The following ATAD2 variants were observed in gnomAD, a reference collection of about 807,000 sequenced individuals.
ATAD2 encodes ATPase family AAA domain-containing protein 2.
Under a neutral mutation model 168.9 loss-of-function variants are expected in ATAD2, and 62 were observed. The ratio of observed to expected loss-of-function variants is 0.37; its 90% CI spans 0.30 to 0.45. The LOEUF is 0.45. Ranked by LOEUF, ATAD2 falls within the 20% of genes least tolerant of loss-of-function variation. The pLI, the probability that ATAD2 is intolerant of heterozygous loss-of-function variation, is 1.00. For synonymous variants in ATAD2, 613 were observed against 571.6 expected, an observed-to-expected ratio of 1.07 and a Z score of -1.03; for missense variants, 1,419 against 1,667.8, an observed-to-expected ratio of 0.85 and a Z score of 2.60.
chr8:123,389,439 A>G (rs534786085), intron 1 of ATAD2, among the ~76,000 whole-genome samples: 31 of 150,204 alleles, frequency 2.1e-4, no homozygotes, highest in African/African-American at 7.3e-4. Context: ...GGAGATTGAG[A>G]CCATCCTGGC....
chr8:123,356,484 A>T lies in ATAD2; in HGVS notation c.1558-7T>A. ...ATGGGCGCATCTGATAGGCCTAGAA[A>T]GTAGGTGGAGTGGTCATTTGTTAGC... is the stretch of plus-strand genomic sequence containing the variant. On this transcript the variant is annotated splice_region_variant and splice_polypyrimidine_tract_variant and intron_variant, in intron 12 of 27. Coordinates refer to ENST00000287394, the MANE Select transcript of ATAD2 (RefSeq NM_014109.4). The T allele has an allele frequency of 6.2e-7, 1 of 1,604,778 alleles. No homozygotes were observed. The highest frequency in any genetic ancestry group is 2.2e-5 in the East Asian group (1 of 44,628).
At chr8:123,329,245 G>A (rs1252635512) in intron 24 of ATAD2, among the ~76,000 whole-genome samples, 1 of 152,068 alleles carries the variant, frequency 6.6e-6, no homozygotes, top group Non-Finnish European at 1.5e-5. Context: ...TACACTTATT[G>A]AGCATTTATC....
intron 1 of ATAD2, among the ~76,000 whole-genome samples, chr8:123,391,360 T>C (rs1465634619): frequency 1.9e-4 from 29 of 151,670 alleles, no homozygotes; most frequent in Admixed American, 1.9e-3. Context: ...CACAAATCTA[T>C]AAGCCCAGCT....
chr8:123,399,800 G>C (rs1009417853), upstream of ATAD2, among the ~76,000 whole-genome samples: 6 of 151,974 alleles, frequency 3.9e-5, no homozygotes, highest in Non-Finnish European at 8.8e-5. Flanking sequence ...GTTGCGGTGA[G>C]CCGAGATTAC....
At chr8:123,387,596 T>C (rs777958775) in intron 1 of ATAD2, among the ~76,000 whole-genome samples, 2 of 152,214 alleles carry the variant, frequency 1.3e-5, no homozygotes, top group Non-Finnish European at 2.9e-5. Context: ...AATATTCTCA[T>C]TTATTCTTTG....
chr8:123,357,006 T>C (rs1828670298), intron 12 of ATAD2, among the ~76,000 whole-genome samples: 1 of 152,176 alleles, frequency 6.6e-6, no homozygotes, highest in South Asian at 2.1e-4. Context: ...AGACAAAGAA[T>C]AGAAGACAGT....
At chr8:123,369,794 C>T (rs753380415) in intron 7 of ATAD2, 27 bp downstream of exon 7, 1 of 1,530,700 alleles carries the variant, frequency 6.5e-7, no homozygotes, top group South Asian at 1.1e-5. Context: ...AATTACATCT[C>T]CTGGAAAGAG....
intron 1 of ATAD2, among the ~76,000 whole-genome samples, chr8:123,411,178 T>C (rs1813150286): frequency 6.6e-6 from 1 of 152,160 alleles, no homozygotes; most frequent in Admixed American, 6.6e-5. Context: ...TCCAAAGCGT[T>C]TGTCTCTTCC....
At chr8:123,376,683 T>C (rs114852708) in intron 2 of ATAD2, among the ~76,000 whole-genome samples, 8,144 of 151,968 alleles carry the variant, frequency 0.054, 711 homozygotes, top group African/African-American at 0.19. Flanking sequence ...GGCCAGGCAC[T>C]GTGGCTAGCA....
At chr8:123,394,339 T>C (rs1812727694) in intron 1 of ATAD2, among the ~76,000 whole-genome samples, 1 of 152,154 alleles carries the variant, frequency 6.6e-6, no homozygotes. Context: ...CTTAAGAGTC[T>C]ATGTATTTGG....
chr8:123,359,752 T>C (rs1338991393), intron 9 of ATAD2, 67 bp from the exon 10 acceptor site: 2 of 1,075,664 alleles, frequency 1.9e-6, no homozygotes, highest in East Asian at 2.5e-5. Context: ...AATTCCATGT[T>C]TGAATATAAA....
At chr8:123,384,724 T>A (rs1262164564) in intron 1 of ATAD2, among the ~76,000 whole-genome samples, 1 of 152,256 alleles carries the variant, frequency 6.6e-6, no homozygotes, top group East Asian at 1.9e-4. Flanking sequence ...TTCAACCATG[T>A]GAGATCTCCT....
intron 20 of ATAD2, among the ~76,000 whole-genome samples, chr8:123,338,907 A>G (rs1586863491): frequency 6.6e-6 from 1 of 152,200 alleles, no homozygotes; most frequent in South Asian, 2.1e-4. Context: ...AATAAAAATA[A>G]AAGAATAAGT....
chr8:123,380,983 C>G, intron 1 of ATAD2: 1 of 252,692 alleles, frequency 4.0e-6, no homozygotes. Flanking sequence ...CGAAAAGTTG[C>G]AATAGTTTAT....
chr8:123,335,063 C>G (rs764762718), intron 22 of ATAD2, among the ~76,000 whole-genome samples: 24 of 152,256 alleles, frequency 1.6e-4, no homozygotes, highest in Admixed American at 3.3e-4. Flanking sequence ...AGGGGCCACA[C>G]CTACAGAATC....
At chr8:123,332,752 C>G (rs1343183899) in intron 24 of ATAD2, among the ~76,000 whole-genome samples, 3 of 152,202 alleles carry the variant, frequency 2.0e-5, no homozygotes, top group Non-Finnish European at 4.4e-5. Context: ...AATATTGCTT[C>G]TTTGAATATT....
At chr8:123,396,601 A>G, upstream of ATAD2, 2 of 536,378 alleles carry the variant, frequency 3.7e-6, no homozygotes, top group Non-Finnish European at 3.3e-6. Flanking sequence ...AGAGGAACAC[A>G]GGCCGACAGT....
At chr8:123,366,729 CAG>C (rs1054468752) in intron 8 of ATAD2, among the ~76,000 whole-genome samples, 9 of 152,172 alleles carry the variant, frequency 5.9e-5, no homozygotes, top group African/African-American at 1.9e-4. Context: ...TGTGGGAACT[CAG>C]GGGGAAAGAG....
At chr8:123,389,974 ATATATATATATTTT>A (rs1476226336) in intron 1 of ATAD2, among the ~76,000 whole-genome samples, 4 of 114,432 alleles carry the variant, frequency 3.5e-5, no homozygotes, top group Admixed American at 8.6e-5. Flanking sequence ...ATATATATAT[ATATATATATATTTT>A]TTTTTTTTTA....
Sources: gnomAD v4.1 joint callset for allele counts (sites outside exome capture counted in the v4.1 genomes callset) on GRCh38, gnomAD v4.1.1 for gene constraint, MANE v1.5 for transcripts, NCBI Gene and HGNC (gene_info 2026-07-23, HGNC 2026-07-21) for gene names.